NIPAL2: variants seen among roughly 807,000 people sequenced by gnomAD.
The protein encoded by NIPAL2 is NIPA like domain containing 2, also known as NIPA-like protein 2.
Under a neutral mutation model 48.9 loss-of-function variants are expected in NIPAL2, and 43 were observed. The observed-to-expected ratio is 0.88, with a 90% CI of 0.69 to 1.13. The LOEUF (loss-of-function observed/expected upper bound fraction) is 1.13, where lower values mean the gene tolerates loss of function less well. Among genes scored for constraint, NIPAL2 ranks in the 50% most tolerant of loss-of-function variants. The probability of loss-of-function intolerance (pLI) is 0.00; values close to 1 mark genes in which losing one functional copy is unlikely to be tolerated. For missense variants in NIPAL2, 446 were observed against 461.4 expected (o/e 0.97, Z 0.31); for synonymous variants, 167 against 174.6 (o/e 0.96, Z 0.34).
chr8:98,234,219 C>T lies in NIPAL2; in HGVS notation c.436+1936G>A, dbSNP rs115173297. ...TTCAGAAACACTTCTAAACTAAAGA[C>T]TCATGACATTATGGCACATATTCTT... On this transcript the variant is annotated intron_variant, in intron 4 of 10. Transcript: ENST00000430223. 6.4e-3 allele frequency among the ~76,000 whole-genome samples: 974 copies of T among 152,188 alleles called. 13 individuals are homozygous for T. Among genetic ancestry groups the T allele is most frequent in the African/African-American group, 0.021 (892 of 41,512 alleles).
chr8:98,287,652 C>T (rs1816254732), intron 1 of NIPAL2, among the ~76,000 whole-genome samples: 1 of 152,162 alleles, frequency 6.6e-6, no homozygotes, highest in South Asian at 2.1e-4. Flanking sequence ...ATGTGTCTGG[C>T]ATTTTGCTAA....
chr8:98,273,750 A>G (rs992205561), intron 1 of NIPAL2, among the ~76,000 whole-genome samples: 1 of 151,754 alleles, frequency 6.6e-6, no homozygotes, highest in African/African-American at 2.4e-5. Flanking sequence ...TTCCGTTTTC[A>G]TCTTGTTCAT....
chr8:98,194,705 C>T, intron 10 of NIPAL2, 23 bp downstream of exon 10: 1 of 1,357,662 alleles, frequency 7.4e-7, no homozygotes, highest in Non-Finnish European at 1.0e-6. Context: ...AAATTTTCCA[C>T]TATAAAGAAT....
At chr8:98,204,401 G>A (rs192452461) in intron 7 of NIPAL2, among the ~76,000 whole-genome samples, 15 of 152,208 alleles carry the variant, frequency 9.9e-5, no homozygotes, top group African/African-American at 3.1e-4. Context: ...ATCTGGGATG[G>A]TGCTTTTGCA....
intron 9 of NIPAL2, 71 bp downstream of exon 9, chr8:98,195,871 G>T: frequency 2.8e-6 from 3 of 1,074,722 alleles, no homozygotes; most frequent in Non-Finnish European, 1.4e-6. Flanking sequence ...CTATACCTCC[G>T]GTACAATGCC....
Position 98,294,121 on chromosome 8 carries a change from G to T in NIPAL2, c.17C>A (p.Pro6His). Reference protein sequence around the residue: MAAVAPAGPGDSASAA... With the variant: MAAVAHAGPGDSASAA... ...CGAGGCGGAGTCCCCGGGGCCCGCG[G>T]GCGCCACCGCTGCCATGAGGTCTCG... is the stretch of plus-strand genomic sequence containing the variant. Residue 6 changes from proline (P) to histidine (H), a missense_variant, in exon 1 of 11, where the codon CCC (proline) becomes CAC (histidine). Transcript: ENST00000430223. The T allele has an allele frequency of 6.8e-7, 1 of 1,469,142 alleles. No homozygotes were observed. Among genetic ancestry groups the T allele is most frequent in the Non-Finnish European group, 9.0e-7 (1 of 1,109,518 alleles). The allele number at this position is 1,469,142 out of a possible 1,614,324, so 91.0% of individuals were successfully genotyped here.
intron 1 of NIPAL2, among the ~76,000 whole-genome samples, chr8:98,273,131 A>G (rs1376152826): frequency 6.6e-6 from 1 of 152,230 alleles, no homozygotes; most frequent in East Asian, 1.9e-4. Flanking sequence ...TTGGCTGATG[A>G]ATGAATAAAC....
At chr8:98,270,985 T>G (rs1380581182) in intron 1 of NIPAL2, among the ~76,000 whole-genome samples, 2 of 152,066 alleles carry the variant, frequency 1.3e-5, no homozygotes, top group African/African-American at 4.8e-5. Flanking sequence ...TTGTCGACTT[T>G]GTCAAAGATC....
At chr8:98,207,622 C>A (rs990022468) in intron 6 of NIPAL2, among the ~76,000 whole-genome samples, 9 of 152,140 alleles carry the variant, frequency 5.9e-5, no homozygotes, top group African/African-American at 1.9e-4. Context: ...TAAACATATT[C>A]ATTTAAAAAT....
intron 7 of NIPAL2, 53 bp downstream of exon 7, chr8:98,205,055 GCCC>G: frequency 6.4e-7 from 1 of 1,572,562 alleles, no homozygotes; most frequent in Non-Finnish European, 8.7e-7. Context: ...AAAGATTAAT[GCCC>G]AGAGAAGCAC....
At chr8:98,254,546 T>C (rs1404000670) in intron 1 of NIPAL2, among the ~76,000 whole-genome samples, 1 of 152,184 alleles carries the variant, frequency 6.6e-6, no homozygotes, top group South Asian at 2.1e-4. Flanking sequence ...ATTTCACTTC[T>C]CTGGCCTAAG....
At chr8:98,204,573 G>C (rs560255198) in intron 7 of NIPAL2, among the ~76,000 whole-genome samples, 1 of 152,104 alleles carries the variant, frequency 6.6e-6, no homozygotes, top group East Asian at 1.9e-4. Context: ...CCACTATTAG[G>C]CCTCAAGAGA....
At chr8:98,252,342 A>T in intron 3 of NIPAL2, 121 bp downstream of exon 3, 1 of 898,446 alleles carries the variant, frequency 1.1e-6, no homozygotes, top group Non-Finnish European at 1.6e-6. Flanking sequence ...TTCCATGTTA[A>T]CGTGATAAGA....
In NIPAL2 at chr8:98,247,703, G is replaced by A. The variant is rs983543575; in HGVS notation, c.376+4760C>T. On this transcript the variant is annotated intron_variant, in intron 3 of 10. Coordinates refer to ENST00000430223, the MANE Select transcript of NIPAL2 (RefSeq NM_001321635.2). ...TCACAAAACGGCACCACACAGATGA[G>A]AGGAGGGCCTGCGTAGGGTGTGAAG... Among the ~76,000 whole-genome samples, 37 of 152,310 alleles carry A rather than the reference G, an allele frequency of 2.4e-4. 1 individual carries two copies. Among genetic ancestry groups the A allele is most frequent in the Non-Finnish European group, 3.2e-4 (22 of 68,034 alleles).
At chr8:98,203,257 A>T in intron 7 of NIPAL2, 61 bp from the exon 8 acceptor site, 1 of 1,195,632 alleles carries the variant, frequency 8.4e-7, no homozygotes, top group Non-Finnish European at 1.2e-6. Flanking sequence ...ATAAGTTAAC[A>T]ATAACTTCAA....
At chr8:98,207,856 A>G (rs1481338545) in intron 6 of NIPAL2, among the ~76,000 whole-genome samples, 1 of 152,218 alleles carries the variant, frequency 6.6e-6, no homozygotes, top group Non-Finnish European at 1.5e-5. Context: ...CTATTTCATT[A>G]AGTATTCTTC....
At chr8:98,251,098 T>C (rs959899323) in intron 3 of NIPAL2, among the ~76,000 whole-genome samples, 1 of 151,814 alleles carries the variant, frequency 6.6e-6, no homozygotes, top group African/African-American at 2.4e-5. Flanking sequence ...AAATGGAGAA[T>C]TTCAATACGA....
At chr8:98,210,324 T>C (rs1414892910) in intron 6 of NIPAL2, among the ~76,000 whole-genome samples, 1 of 152,208 alleles carries the variant, frequency 6.6e-6, no homozygotes. Context: ...TTTAAAAATA[T>C]GCTGCAATTA....
At chr8:98,278,700 C>T (rs1376490625) in intron 1 of NIPAL2, among the ~76,000 whole-genome samples, 1 of 152,184 alleles carries the variant, frequency 6.6e-6, no homozygotes, top group Non-Finnish European at 1.5e-5. Context: ...ATCTTTTAAA[C>T]CCTAATGACT....
Sources: allele counts gnomAD v4.1 joint callset (sites outside exome capture counted in the v4.1 genomes callset), GRCh38; gene constraint gnomAD v4.1.1; transcripts MANE v1.5; gene names NCBI Gene and HGNC (gene_info 2026-07-23, HGNC 2026-07-21).